Variants in FHOD3 observed in about 807,000 individuals in gnomAD.
FHOD3 encodes FH1/FH2 domain-containing protein 3.
Under a neutral mutation model 173.0 loss-of-function variants are expected in FHOD3, and 90 were observed. That is an observed-to-expected ratio of 0.52 (90% CI 0.44 to 0.62). The LOEUF (loss-of-function observed/expected upper bound fraction) is 0.62. Ranked by LOEUF, FHOD3 falls within the 20% of genes least tolerant of loss-of-function variation. FHOD3 has a pLI of 0.00. For synonymous variants in FHOD3, 828 were observed against 823.0 expected (o/e 1.01, Z -0.10); for missense variants, 1,945 against 2,034.7 (o/e 0.96, Z 0.85).
intron 1 of FHOD3, among the ~76,000 whole-genome samples, chr18:36,318,510 T>C (rs1228716179): frequency 6.6e-6 from 1 of 152,220 alleles, no homozygotes; most frequent in Non-Finnish European, 1.5e-5. Flanking sequence ...AGTTCACACA[T>C]GATTTGGCTC....
chr18:36,537,350 T>G (rs1015694329), intron 5 of FHOD3, among the ~76,000 whole-genome samples: 1 of 152,218 alleles, frequency 6.6e-6, no homozygotes, highest in Admixed American at 6.5e-5. Flanking sequence ...ACTACCATTT[T>G]TAGTCACTCC....
intron 3 of FHOD3, among the ~76,000 whole-genome samples, chr18:36,402,910 T>G (rs1271398939): frequency 6.6e-6 from 1 of 152,262 alleles, no homozygotes; most frequent in Non-Finnish European, 1.5e-5. Flanking sequence ...GAGGCGTGTT[T>G]GCCTGAGCTG....
intron 5 of FHOD3, among the ~76,000 whole-genome samples, chr18:36,547,216 C>T (rs2057446391): frequency 6.6e-6 from 1 of 152,152 alleles, no homozygotes; most frequent in South Asian, 2.1e-4. Flanking sequence ...ACCAGGCCGG[C>T]CTGTTCCTAG....
intron 17 of FHOD3, among the ~76,000 whole-genome samples, chr18:36,699,906 C>T (rs749742816): frequency 5.9e-5 from 9 of 152,154 alleles, no homozygotes; most frequent in Non-Finnish European, 1.0e-4. Context: ...AAGTTCAAGT[C>T]GCTTTTTGTT....
intron 10 of FHOD3, among the ~76,000 whole-genome samples, chr18:36,631,764 A>G (rs1373049770): frequency 6.6e-6 from 1 of 152,216 alleles, no homozygotes; most frequent in African/African-American, 2.4e-5. Context: ...TGTCCTCACC[A>G]TTCTCCTAAA....
At chr18:36,681,997 A>ATTT (rs2038278266) in intron 15 of FHOD3, among the ~76,000 whole-genome samples, 1 of 152,136 alleles carries the variant, frequency 6.6e-6, no homozygotes, top group Admixed American at 6.5e-5. Flanking sequence ...AATCTTCAAT[A>ATTT]TTTTTTGTAA....
intron 17 of FHOD3, among the ~76,000 whole-genome samples, chr18:36,696,327 C>T (rs1417930417): frequency 6.6e-6 from 1 of 152,132 alleles, no homozygotes; most frequent in East Asian, 1.9e-4. Flanking sequence ...AAAATTGCAG[C>T]CTACATTTCA....
At chr18:36,406,089 G>GTTTTTTTTTTTTT (rs763484942) in intron 3 of FHOD3, among the ~76,000 whole-genome samples, 1 of 135,716 alleles carries the variant, frequency 7.4e-6, no homozygotes, top group Admixed American at 7.1e-5. Flanking sequence ...TTTTGTTTTT[G>GTTTTTTTTTTTTT]TTTTTGTTTT....
intron 3 of FHOD3, among the ~76,000 whole-genome samples, chr18:36,454,906 C>A (rs1315890038): frequency 6.6e-6 from 1 of 152,210 alleles, no homozygotes; most frequent in Non-Finnish European, 1.5e-5. Context: ...TGGAGGTCTG[C>A]ACCATAACTG....
chr18:36,596,479 A>T (rs1273571879), intron 7 of FHOD3, among the ~76,000 whole-genome samples: 1 of 151,898 alleles, frequency 6.6e-6, no homozygotes, highest in East Asian at 1.9e-4. Context: ...CAGCGTGCCC[A>T]GCCAGTTGTG....
chr18:36,547,465 G>A (rs976018641), intron 5 of FHOD3, among the ~76,000 whole-genome samples: 2 of 152,072 alleles, frequency 1.3e-5, no homozygotes. Flanking sequence ...TAGAGAAGGG[G>A]TTTCACCATG....
chr18:36,673,618 T>A lies in FHOD3; in HGVS notation c.1836-7818T>A, dbSNP rs148714796. 3.1e-3 allele frequency among the ~76,000 whole-genome samples: 468 copies of A among 152,218 alleles called. 1 individual carries two copies. The highest frequency in any genetic ancestry group is 4.6e-3 in the Admixed American group (71 of 15,298). On this transcript the variant is annotated intron_variant, in intron 14 of 28. Coordinates refer to ENST00000590592, the MANE Select transcript of FHOD3 (RefSeq NM_001281740.3). ...GGCACAAAGAAATGGCTGGAGACTA[T>A]GGGTGAACTTAGCCTGGGATCTGGA...
At chr18:36,480,442 A>C (rs2053822109) in intron 3 of FHOD3, among the ~76,000 whole-genome samples, 1 of 152,368 alleles carries the variant, frequency 6.6e-6, no homozygotes, top group South Asian at 2.1e-4. Flanking sequence ...GAAGAGGGAA[A>C]GTGAACTCAA....
At chr18:36,380,068 G>GA (rs572267198) in intron 3 of FHOD3, among the ~76,000 whole-genome samples, 2 of 151,476 alleles carry the variant, frequency 1.3e-5, no homozygotes, top group African/African-American at 4.9e-5. Context: ...TTTTAACTCA[G>GA]AAAAAAAACA....
At chr18:36,661,005 TG>T (rs1417950020) in intron 14 of FHOD3, among the ~76,000 whole-genome samples, 1 of 152,196 alleles carries the variant, frequency 6.6e-6, no homozygotes, top group African/African-American at 2.4e-5. Flanking sequence ...TCACCTTGTG[TG>T]GCTCTGAAAA....
At chr18:36,431,326 T>G (rs2050538071) in intron 3 of FHOD3, among the ~76,000 whole-genome samples, 1 of 152,214 alleles carries the variant, frequency 6.6e-6, no homozygotes, top group South Asian at 2.1e-4. Flanking sequence ...AGGAAAGCCC[T>G]GACTGTTTGG....
chr18:36,322,925 A>C (rs1598710085), intron 1 of FHOD3, among the ~76,000 whole-genome samples: 1 of 152,162 alleles, frequency 6.6e-6, no homozygotes, highest in Admixed American at 6.5e-5. Context: ...GGGCACTGCC[A>C]CCTGCCAACC....
At chr18:36,426,052 C>T (rs1022560367) in intron 3 of FHOD3, among the ~76,000 whole-genome samples, 3 of 146,888 alleles carry the variant, frequency 2.0e-5, no homozygotes, top group Admixed American at 6.9e-5. Flanking sequence ...CTACAGGCGG[C>T]CACCACCATG....
Position 36,526,428 on chromosome 18 carries a change from C to CTT in FHOD3, c.511+13894_511+13895dup, listed in dbSNP as rs35677759. Among the ~76,000 whole-genome samples, 921 of 150,350 alleles carry CTT rather than the reference C, an allele frequency of 6.1e-3. 7 individuals are homozygous for CTT. Among genetic ancestry groups the CTT allele is most frequent in the Middle Eastern group, 0.024 (7 of 294 alleles). On this transcript the variant is annotated intron_variant, in intron 5 of 28. Coordinates refer to ENST00000590592, the MANE Select transcript of FHOD3 (RefSeq NM_001281740.3). ...AGATGTTTGCTTTTTCATAATTCAG[C>CTT]TTTTTTTTTTCTTTTGAGACTGAAT...
Sources: gnomAD v4.1 joint callset for allele counts (sites outside exome capture counted in the v4.1 genomes callset) on GRCh38, gnomAD v4.1.1 for gene constraint, MANE v1.5 for transcripts, NCBI Gene and HGNC (gene_info 2026-07-23, HGNC 2026-07-21) for gene names.